WRN: variants seen among roughly 807,000 people sequenced by gnomAD.
WRN encodes the protein bifunctional 3'-5' exonuclease/ATP-dependent helicase WRN.
Under a neutral mutation model 180.7 loss-of-function variants are expected in WRN, and 149 were observed. That is an observed-to-expected ratio of 0.82 (90% CI 0.72 to 0.94). The LOEUF (loss-of-function observed/expected upper bound fraction) is 0.94. WRN is among the 40% of genes least tolerant of loss of function. WRN has a pLI of 0.00. For synonymous variants in WRN, 548 were observed against 568.9 expected (o/e 0.96, Z 0.52); for missense variants, 1,661 against 1,700.1 (o/e 0.98, Z 0.40).
chr8:31,162,218 T>C (rs1440583146), intron 33 of WRN, among the ~76,000 whole-genome samples: 2 of 152,268 alleles, frequency 1.3e-5, no homozygotes, highest in Non-Finnish European at 1.5e-5. Context: ...ATTGTACAGC[T>C]ATACAAATAT....
At position 31,074,231 on chromosome 8, in the gene WRN, TAACCTTTTCAAAAGC is replaced by T. The variant is rs1259124236; in HGVS notation, c.725-1940_725-1926del. ...TGAGCCACCGCGCCCGGCCCAAGAG[TAACCTTTTCAAAAGC>T]AGCTTTGCTCTACTGATTTGGGTAA... is the stretch of plus-strand genomic sequence containing the variant. On this transcript the variant is annotated intron_variant, in intron 7 of 34. Coordinates refer to ENST00000298139, the MANE Select transcript of WRN (RefSeq NM_000553.6). 5.3e-5 allele frequency among the ~76,000 whole-genome samples: 8 copies of T among 151,712 alleles called. No individual in the cohort carries two copies. In the East Asian group the frequency reaches 1.6e-3, roughly 30 times the overall value.
At chr8:31,034,289 C>T (rs758996599) in intron 1 of WRN, among the ~76,000 whole-genome samples, 4 of 152,174 alleles carry the variant, frequency 2.6e-5, no homozygotes, top group Non-Finnish European at 5.9e-5. Flanking sequence ...TGAGCCACTA[C>T]AGGTCTGCAC....
At chr8:31,056,489 G>A (rs918617190) in intron 1 of WRN, among the ~76,000 whole-genome samples, 2 of 152,124 alleles carry the variant, frequency 1.3e-5, no homozygotes, top group Non-Finnish European at 2.9e-5. Context: ...GACGCATGTG[G>A]CAACCCCAAG....
At chr8:31,055,604 G>A (rs1358404507) in intron 1 of WRN, among the ~76,000 whole-genome samples, 2 of 151,446 alleles carry the variant, frequency 1.3e-5, no homozygotes, top group Non-Finnish European at 2.9e-5. Flanking sequence ...CTTTTTAATG[G>A]GATTGTTTGT....
intron 7 of WRN, among the ~76,000 whole-genome samples, chr8:31,068,782 A>G (rs571203853): frequency 1.3e-5 from 2 of 152,250 alleles, no homozygotes; most frequent in African/African-American, 2.4e-5. Context: ...TGGTCATTTT[A>G]CAGTGCTTTC....
rs778679333 is a variant in WRN at position 31,096,853 on chromosome 8, A to G, written c.1981+3A>G. On this transcript the variant is annotated splice_donor_region_variant and intron_variant, in intron 17 of 34. Transcript: ENST00000298139. ...CCAGCAACTTGAGGCTGATATTGGT[A>G]AGTGATAAAGAAAGATCTCTGTAAA... is the stretch of plus-strand genomic sequence containing the variant. The G allele has an allele frequency of 1.2e-6, 2 of 1,612,122 alleles. No homozygotes were observed. Among genetic ancestry groups the G allele is most frequent in the East Asian group, 4.5e-5 (2 of 44,784 alleles).
At chr8:31,096,729 T>G (rs1317398378) in intron 16 of WRN, 39 bp from the exon 17 acceptor site, 4 of 832,928 alleles carry the variant, frequency 4.8e-6, no homozygotes, top group African/African-American at 1.9e-5. Flanking sequence ...TCCCTTCCTG[T>G]TTTTTTTTTT....
intron 10 of WRN, among the ~76,000 whole-genome samples, chr8:31,084,244 C>T (rs1813435656): frequency 6.6e-6 from 1 of 152,090 alleles, no homozygotes; most frequent in South Asian, 2.1e-4. Flanking sequence ...AGTAATCCAC[C>T]CGCCTTGGCC....
intron 18 of WRN, among the ~76,000 whole-genome samples, chr8:31,101,837 C>A: frequency 7.2e-6 from 1 of 139,366 alleles, no homozygotes; most frequent in African/African-American, 2.7e-5. Flanking sequence ...GAATATTCTA[C>A]ATGATTGGCA....
At chr8:31,067,247 GA>G in intron 6 of WRN, 65 bp downstream of exon 6, 1 of 1,574,536 alleles carries the variant, frequency 6.4e-7, no homozygotes, top group Admixed American at 1.7e-5. Context: ...AATGACTTTA[GA>G]AAAATTTTAT....
intron 8 of WRN, among the ~76,000 whole-genome samples, chr8:31,077,965 G>A (rs1463060066): frequency 6.6e-6 from 1 of 152,220 alleles, no homozygotes; most frequent in Non-Finnish European, 1.5e-5. Context: ...GTTAGTGACT[G>A]TGGTGGGTAA....
chr8:31,172,925 C>G (rs573393916), intron 34 of WRN, 70 bp from the exon 35 acceptor site: 2 of 1,444,330 alleles, frequency 1.4e-6, no homozygotes, highest in Non-Finnish European at 1.9e-6. Context: ...ACTTATGTTA[C>G]TTTTTTGCAA....
At chr8:31,098,263 T>C (rs1814074111) in intron 17 of WRN, among the ~76,000 whole-genome samples, 1 of 152,226 alleles carries the variant, frequency 6.6e-6, no homozygotes, top group Middle Eastern at 3.2e-3. Context: ...TAAGAATAAC[T>C]ACCCTATATA....
At chr8:31,118,152 A>G (rs535289569) in intron 20 of WRN, among the ~76,000 whole-genome samples, 20 of 152,248 alleles carry the variant, frequency 1.3e-4, no homozygotes, top group African/African-American at 4.8e-4. Context: ...CTGCCAATTC[A>G]CAGCTTCATT....
At chr8:31,168,817 C>T (rs1803997097) in intron 34 of WRN, among the ~76,000 whole-genome samples, 1 of 152,122 alleles carries the variant, frequency 6.6e-6, no homozygotes, top group Non-Finnish European at 1.5e-5. Context: ...AGGATAAAGT[C>T]ATTAGAACAA....
intron 7 of WRN, among the ~76,000 whole-genome samples, chr8:31,070,515 A>G (rs1585415355): frequency 6.6e-6 from 1 of 152,102 alleles, no homozygotes; most frequent in East Asian, 1.9e-4. Context: ...ATTTTACGAT[A>G]TGGGAATACC....
At chr8:31,121,124 G>A (rs1354020447) in intron 21 of WRN, among the ~76,000 whole-genome samples, 2 of 151,894 alleles carry the variant, frequency 1.3e-5, no homozygotes, top group Non-Finnish European at 2.9e-5. Flanking sequence ...CAAAGATTTT[G>A]GGGCAGCATT....
intron 23 of WRN, among the ~76,000 whole-genome samples, 170 bp from the exon 24 acceptor site, chr8:31,132,195 T>A (rs1170657679): frequency 6.6e-6 from 1 of 152,168 alleles, no homozygotes; most frequent in Non-Finnish European, 1.5e-5. Context: ...TTTATTTTCA[T>A]ATTTTAGCTA....
intron 1 of WRN, among the ~76,000 whole-genome samples, chr8:31,039,412 T>C (rs1236935435): frequency 6.6e-6 from 1 of 152,206 alleles, no homozygotes; most frequent in East Asian, 1.9e-4. Flanking sequence ...AACGTTGATG[T>C]TGTACTCTGA....
Sources: gnomAD v4.1 joint callset for allele counts (sites outside exome capture counted in the v4.1 genomes callset) on GRCh38, gnomAD v4.1.1 for gene constraint, MANE v1.5 for transcripts, NCBI Gene and HGNC (gene_info 2026-07-23, HGNC 2026-07-21) for gene names.